Variants in TTC29 observed in about 807,000 individuals in gnomAD.
TTC29 encodes the protein tetratricopeptide repeat domain 29, also known as tetratricopeptide repeat protein 29.
In TTC29, 49 loss-of-function variants were observed where a neutral mutation model predicts 58.1. That is an observed-to-expected ratio of 0.84 (90% CI 0.67 to 1.07). The LOEUF is 1.07. TTC29 is among the 50% of genes least tolerant of loss of function. The pLI, the probability that TTC29 is intolerant of heterozygous loss-of-function variation, is 0.00. For missense variants in TTC29, 582 were observed against 555.6 expected (o/e 1.05, Z -0.48); for synonymous variants, 209 against 196.8 (o/e 1.06, Z -0.52).
chr4:146,927,599 C>T (rs1191052026), intron 4 of TTC29, among the ~76,000 whole-genome samples: 4 of 152,000 alleles, frequency 2.6e-5, no homozygotes, highest in South Asian at 2.1e-4. Context: ...ATAGTATATA[C>T]ATGCATAGTA....
At chr4:146,832,641 TTG>T (rs201136243) in intron 9 of TTC29, among the ~76,000 whole-genome samples, 42 of 149,160 alleles carry the variant, frequency 2.8e-4, no homozygotes, top group Non-Finnish European at 5.1e-4. Flanking sequence ...CCAACTAATT[TTG>T]TGTGTGTGTG....
chr4:146,880,283 T>C (rs1731539417), intron 6 of TTC29, among the ~76,000 whole-genome samples: 1 of 152,166 alleles, frequency 6.6e-6, no homozygotes, highest in Admixed American at 6.6e-5. Context: ...GTTTTGTTTA[T>C]CAATTATATG....
chr4:146,849,849 G>A (rs112781064), intron 8 of TTC29, among the ~76,000 whole-genome samples: 63 of 152,120 alleles, frequency 4.1e-4, no homozygotes, highest in Non-Finnish European at 6.9e-4. Flanking sequence ...TGCTTCCCTC[G>A]AGTATCTGCA....
intron 11 of TTC29, among the ~76,000 whole-genome samples, chr4:146,733,810 C>G (rs567746066): frequency 6.6e-6 from 1 of 152,114 alleles, no homozygotes; most frequent in Non-Finnish European, 1.5e-5. Context: ...TCAGTGTAAC[C>G]TAGACATCTA....
At chr4:146,868,052 G>C (rs1256068751) in intron 7 of TTC29, among the ~76,000 whole-genome samples, 1 of 152,024 alleles carries the variant, frequency 6.6e-6, no homozygotes, top group African/African-American at 2.4e-5. Flanking sequence ...TCAATCACAT[G>C]GACTGACATT....
chr4:146,802,290 C>G (rs143679571), intron 11 of TTC29, among the ~76,000 whole-genome samples: 13 of 152,140 alleles, frequency 8.5e-5, no homozygotes, highest in African/African-American at 3.1e-4. Context: ...CTACAGACCT[C>G]TCAAATACGT....
At chr4:146,818,595 A>G (rs1221805396) in intron 10 of TTC29, among the ~76,000 whole-genome samples, 1 of 152,226 alleles carries the variant, frequency 6.6e-6, no homozygotes, top group East Asian at 1.9e-4. Context: ...TATATACCCA[A>G]AGGACTATAA....
At chr4:146,912,010 G>A (rs1214987055) in intron 4 of TTC29, among the ~76,000 whole-genome samples, 2 of 152,200 alleles carry the variant, frequency 1.3e-5, no homozygotes, top group Non-Finnish European at 2.9e-5. Context: ...AGAAGTCAGA[G>A]GTGTCCAGTC....
chr4:146,811,073 T>A (rs1181859895), intron 10 of TTC29, among the ~76,000 whole-genome samples: 1 of 152,112 alleles, frequency 6.6e-6, no homozygotes, highest in East Asian at 1.9e-4. Flanking sequence ...AATCAAATGA[T>A]CATTTAAATA....
chr4:146,913,636 T>C (rs1391079814), intron 4 of TTC29, among the ~76,000 whole-genome samples: 1 of 152,116 alleles, frequency 6.6e-6, no homozygotes, highest in Non-Finnish European at 1.5e-5. Context: ...TGGAAGAATC[T>C]TGACAAGATT....
chr4:146,926,297 T>C (rs769655745), intron 4 of TTC29, among the ~76,000 whole-genome samples: 4 of 152,154 alleles, frequency 2.6e-5, no homozygotes, highest in African/African-American at 4.8e-5. Context: ...GAGAATTCTG[T>C]AGTCCTTCGC....
At chr4:146,717,258 C>G (rs1235502392) in intron 11 of TTC29, among the ~76,000 whole-genome samples, 5 of 151,974 alleles carry the variant, frequency 3.3e-5, no homozygotes, top group African/African-American at 1.2e-4. Context: ...ATATGGTCAG[C>G]ACTTGTATGG....
chr4:146,881,390 A>G (rs1731614508), intron 6 of TTC29, among the ~76,000 whole-genome samples: 1 of 152,246 alleles, frequency 6.6e-6, no homozygotes, highest in African/African-American at 2.4e-5. Context: ...TTTGCTGAAG[A>G]CTTTAGGGAA....
chr4:146,717,179 T>C (rs1005997339), intron 11 of TTC29, among the ~76,000 whole-genome samples: 3 of 152,186 alleles, frequency 2.0e-5, no homozygotes, highest in Non-Finnish European at 4.4e-5. Context: ...GTTGCTCAGT[T>C]GCAACATTTA....
At chr4:146,780,572 ATTC>A (rs945197499) in intron 11 of TTC29, among the ~76,000 whole-genome samples, 60 of 152,078 alleles carry the variant, frequency 3.9e-4, no homozygotes, top group African/African-American at 1.2e-3. Context: ...ATCTGCAGGA[ATTC>A]TTCTCTATGA....
At chr4:146,708,962 T>C (rs954406485) in intron 11 of TTC29, among the ~76,000 whole-genome samples, 8 of 152,124 alleles carry the variant, frequency 5.3e-5, no homozygotes, top group African/African-American at 1.9e-4. Flanking sequence ...CCTTGTTCTT[T>C]CAGGACCCTT....
chr4:146,776,547 G>A (rs1189256930), intron 11 of TTC29, among the ~76,000 whole-genome samples: 2 of 152,036 alleles, frequency 1.3e-5, no homozygotes, highest in Non-Finnish European at 2.9e-5. Flanking sequence ...AGAGGGCCAA[G>A]GTTTAGCTCA....
chr4:146,792,653 ATTAT>A (rs1461337465), intron 11 of TTC29, among the ~76,000 whole-genome samples: 1 of 152,222 alleles, frequency 6.6e-6, no homozygotes, highest in Non-Finnish European at 1.5e-5. Flanking sequence ...TCGAAGTCTT[ATTAT>A]TTAAGAAATA....
chr4:146,908,196 A>T (rs1733652867), intron 5 of TTC29, among the ~76,000 whole-genome samples: 1 of 152,148 alleles, frequency 6.6e-6, no homozygotes, highest in East Asian at 1.9e-4. Flanking sequence ...AGACATTGTC[A>T]TGTTGAGGCC....
Sources: allele counts gnomAD v4.1 joint callset (sites outside exome capture counted in the v4.1 genomes callset), GRCh38; gene constraint gnomAD v4.1.1; transcripts MANE v1.5; gene names NCBI Gene and HGNC (gene_info 2026-07-23, HGNC 2026-07-21).